Variants in SRGAP1 observed in about 807,000 individuals in gnomAD.
SRGAP1 encodes SLIT-ROBO Rho GTPase-activating protein 1.
In SRGAP1, 43 loss-of-function variants were observed where a neutral mutation model predicts 121.9. That is an observed-to-expected ratio of 0.35 (90% CI 0.28 to 0.46). The LOEUF is 0.46. SRGAP1 is among the 20% of genes least tolerant of loss of function. SRGAP1 has a pLI of 1.00. For synonymous variants in SRGAP1, 447 were observed against 485.4 expected, an observed-to-expected ratio of 0.92 and a Z score of 1.04; for missense variants, 1,102 against 1,350.9, an observed-to-expected ratio of 0.82 and a Z score of 2.89.
rs1899213242 is a variant in SRGAP1 at position 63,855,482 on chromosome 12, T to TG, written c.67+10599_67+10600insG. ...CAACATGAAAAATGGTGTTTTTTTT[T>TG]TTTTTTTTTTTTTTTTTTTTTTTGA... On this transcript the variant is annotated intron_variant, in intron 1 of 21. Transcript: ENST00000355086. Among the ~76,000 whole-genome samples the TG allele has an allele frequency of 6.8e-5, 8 of 117,196 alleles. No homozygotes were observed. The South Asian group carries it at 2.5e-3, about 37-fold the overall frequency. 76.9% of individuals were successfully genotyped at this position (117,196 alleles called of 152,430 possible).
At chr12:63,892,321 A>C (rs1047430069) in intron 1 of SRGAP1, among the ~76,000 whole-genome samples, 5 of 152,216 alleles carry the variant, frequency 3.3e-5, no homozygotes, top group African/African-American at 1.2e-4. Flanking sequence ...CCTGAAAAAT[A>C]ATGAAGAGTC....
chr12:63,953,483 A>G (rs1426188713), intron 1 of SRGAP1, among the ~76,000 whole-genome samples: 1 of 149,362 alleles, frequency 6.7e-6, no homozygotes, highest in Non-Finnish European at 1.5e-5. Flanking sequence ...GCTTACTGCA[A>G]CCTCTGCCTC....
intron 1 of SRGAP1, among the ~76,000 whole-genome samples, chr12:63,960,056 T>TA (rs34133711): frequency 0.54 from 82,539 of 152,032 alleles, 23,381 homozygotes; most frequent in African/African-American, 0.72. Context: ...TCCACATCCT[T>TA]AACTCCTGAT....
rs892937033 is a variant in SRGAP1, at chr12:64,155,402, G to C, written c.*12730G>C. 24 of 151,814 alleles carry C rather than the reference G, an allele frequency of 1.6e-4. No homozygotes were observed. Among genetic ancestry groups the C allele is most frequent in the African/African-American group, 5.5e-4 (23 of 41,472 alleles). 9.4% of individuals were successfully genotyped at this position (151,814 alleles called of 1,614,324 possible). ...ACTAAAAATACAAAAAAATTAGCCG[G>C]GTGTGGTGGCGCCCGCCTATAGTCC... is the stretch of plus-strand genomic sequence containing the variant. On this transcript the variant is annotated 3_prime_UTR_variant, in exon 22 of 22. Transcript: ENST00000355086.
At chr12:64,096,530 CAGAA>C (rs991976083) in intron 14 of SRGAP1, among the ~76,000 whole-genome samples, 7 of 152,116 alleles carry the variant, frequency 4.6e-5, no homozygotes, top group Non-Finnish European at 7.4e-5. Context: ...ATTTAGTTCT[CAGAA>C]AGAAACGCTC....
intron 3 of SRGAP1, among the ~76,000 whole-genome samples, chr12:63,996,100 T>C (rs1170384929): frequency 1.3e-5 from 2 of 151,728 alleles, no homozygotes; most frequent in East Asian, 3.9e-4. Flanking sequence ...AACCTATTTC[T>C]CTTTGAATAT....
rs574967561 is a variant in SRGAP1, at chr12:63,946,477, A to C, written c.68-37470A>C. ...CCTTCTTTCTGTCCCTCCCAGCCCCATTGTCCCCAGGCAACCACTGACCTG... is the reference window on the plus strand; with the variant it reads ...CCTTCTTTCTGTCCCTCCCAGCCCCCTTGTCCCCAGGCAACCACTGACCTG... On this transcript the variant is annotated intron_variant, in intron 1 of 21. Coordinates refer to ENST00000355086, the MANE Select transcript of SRGAP1 (RefSeq NM_020762.4). Among the ~76,000 whole-genome samples the C allele has an allele frequency of 5.4e-5, 8 of 148,092 alleles. No individual in the cohort carries two copies. In the South Asian group the frequency reaches 1.7e-3, roughly 32 times the overall value.
intron 18 of SRGAP1, 131 bp downstream of exon 18, chr12:64,116,024 G>A (rs1592336059): frequency 1.3e-6 from 1 of 762,640 alleles, no homozygotes; most frequent in African/African-American, 1.8e-5. Context: ...GGAAGCCAAG[G>A]TTGGAGGATC....
chr12:64,015,713 T>A (rs1368084379), intron 3 of SRGAP1, among the ~76,000 whole-genome samples: 4 of 152,160 alleles, frequency 2.6e-5, no homozygotes, highest in Admixed American at 2.6e-4. Context: ...TGGTGCCCAT[T>A]TGCCCAAGCA....
chr12:64,039,527 A>G (rs1173782198), intron 4 of SRGAP1, among the ~76,000 whole-genome samples: 6 of 152,050 alleles, frequency 3.9e-5, no homozygotes, highest in African/African-American at 1.4e-4. Flanking sequence ...TATTTCTCAG[A>G]TACTCGGGGT....
At chr12:64,019,469 T>C (rs767032225) in intron 4 of SRGAP1, among the ~76,000 whole-genome samples, 4 of 152,162 alleles carry the variant, frequency 2.6e-5, no homozygotes, top group Non-Finnish European at 4.4e-5. Context: ...TAGATCACTT[T>C]GAGCTCCTGG....
Position 63,895,842 on chromosome 12 carries a change from T to A in SRGAP1, c.67+50959T>A, listed in dbSNP as rs183773789. On this transcript the variant is annotated intron_variant, in intron 1 of 21. Transcript: ENST00000355086. Reference sequence around the variant, plus strand: ...CTTTGCCTCTTTGCTTCATGGGGAATTCAAGGAATAGTGTCTCAAATTCTT... The same window carrying A: ...CTTTGCCTCTTTGCTTCATGGGGAAATCAAGGAATAGTGTCTCAAATTCTT... Among the ~76,000 whole-genome samples the A allele has an allele frequency of 1.2e-4, 18 of 152,350 alleles. No individual in the cohort carries two copies. In the East Asian group the frequency reaches 3.5e-3, roughly 29 times the overall value.
chr12:63,965,394 CT>C (rs2032762071), intron 1 of SRGAP1, among the ~76,000 whole-genome samples: 1 of 151,930 alleles, frequency 6.6e-6, no homozygotes, highest in Non-Finnish European at 1.5e-5. Context: ...GTATTAATAG[CT>C]TGGTAATAGA....
chr12:63,881,836 A>G (rs575007507), intron 1 of SRGAP1, among the ~76,000 whole-genome samples: 2 of 152,292 alleles, frequency 1.3e-5, no homozygotes, highest in East Asian at 3.9e-4. Context: ...CCTCTGGAGA[A>G]TCTTTGAAAT....
chr12:63,988,658 A>G (rs958712559), intron 2 of SRGAP1, among the ~76,000 whole-genome samples: 12 of 152,172 alleles, frequency 7.9e-5, no homozygotes, highest in Admixed American at 7.9e-4. Context: ...TTTCTTTCCT[A>G]ACTTAATTAA....
At chr12:63,995,848 C>G (rs1403163876) in intron 3 of SRGAP1, among the ~76,000 whole-genome samples, 1 of 151,668 alleles carries the variant, frequency 6.6e-6, no homozygotes, top group Admixed American at 6.6e-5. Context: ...TCAAAGACAG[C>G]CATATTCTAT....
intron 1 of SRGAP1, among the ~76,000 whole-genome samples, chr12:63,849,426 G>A (rs1205466237): frequency 6.6e-6 from 1 of 152,198 alleles, no homozygotes; most frequent in Non-Finnish European, 1.5e-5. Context: ...TTTTAATAAT[G>A]CATGTTGCTA....
chr12:63,991,316 AACAAAG>A (rs1038397722), intron 3 of SRGAP1, among the ~76,000 whole-genome samples: 16 of 152,186 alleles, frequency 1.1e-4, no homozygotes, highest in Non-Finnish European at 1.8e-4. Flanking sequence ...GGCTCCTTAA[AACAAAG>A]ACATAGTGTT....
At chr12:64,010,378 T>C (rs2034217038) in intron 3 of SRGAP1, among the ~76,000 whole-genome samples, 1 of 152,158 alleles carries the variant, frequency 6.6e-6, no homozygotes, top group Non-Finnish European at 1.5e-5. Context: ...TTGTTCTTCC[T>C]CTCCCTCCTT....
Sources: allele counts gnomAD v4.1 joint callset (sites outside exome capture counted in the v4.1 genomes callset), GRCh38; gene constraint gnomAD v4.1.1; transcripts MANE v1.5; gene names NCBI Gene and HGNC (gene_info 2026-07-23, HGNC 2026-07-21).